PLD1: variants seen among roughly 807,000 people sequenced by gnomAD.
PLD1 encodes choline phosphatase 1.
Under a neutral mutation model 137.1 loss-of-function variants are expected in PLD1, and 112 were observed. That is an observed-to-expected ratio of 0.82 (90% CI 0.70 to 0.96). The LOEUF is 0.96. Among genes scored for constraint, PLD1 ranks in the 40% least tolerant of loss-of-function variants. The pLI is 0.00. For synonymous variants in PLD1, 431 were observed against 454.7 expected (o/e 0.95, Z 0.66); for missense variants, 1,321 against 1,342.0 (o/e 0.98, Z 0.24).
In PLD1 at chr3:171,798,402, G is replaced by A. The variant is rs61471433; in HGVS notation, c.-32+11997C>T. On this transcript the variant is annotated intron_variant, in intron 1 of 26. Transcript: ENST00000351298. Reference sequence around the variant, plus strand: ...AATTTTACAGACTCCTTGAGTCCTTGGCCCTAGGAAATCAGGCGTAAGGAA... The same window carrying A: ...AATTTTACAGACTCCTTGAGTCCTTAGCCCTAGGAAATCAGGCGTAAGGAA... 2.9e-3 allele frequency among the ~76,000 whole-genome samples: 445 copies of A among 152,186 alleles called. 4 individuals are homozygous for A. The highest frequency in any genetic ancestry group is 0.01 in the African/African-American group (429 of 41,502).
chr3:171,640,750 T>C (rs1205129751), intron 23 of PLD1, among the ~76,000 whole-genome samples: 1 of 152,266 alleles, frequency 6.6e-6, no homozygotes, highest in Non-Finnish European at 1.5e-5. Flanking sequence ...CCCTGGGCCG[T>C]TGCACACAGC....
chr3:171,774,866 T>G (rs906796904), intron 1 of PLD1, among the ~76,000 whole-genome samples: 2 of 152,100 alleles, frequency 1.3e-5, no homozygotes, highest in African/African-American at 4.8e-5. Flanking sequence ...AGGCTGGGTT[T>G]GAGGTCCTCT....
chr3:171,747,308 C>A (rs116187571), intron 1 of PLD1, among the ~76,000 whole-genome samples: 1,655 of 152,292 alleles, frequency 0.011, 36 homozygotes, highest in African/African-American at 0.038. Flanking sequence ...GCATGCCTCT[C>A]CCCTCTCCTT....
At chr3:171,729,098 T>A (rs1214554476) in intron 6 of PLD1, among the ~76,000 whole-genome samples, 1 of 152,236 alleles carries the variant, frequency 6.6e-6, no homozygotes, top group African/African-American at 2.4e-5. Context: ...AATTCCATTA[T>A]CCATTTGGGC....
intron 1 of PLD1, among the ~76,000 whole-genome samples, chr3:171,751,286 G>A (rs992435097): frequency 6.6e-6 from 1 of 151,934 alleles, no homozygotes; most frequent in African/African-American, 2.4e-5. Context: ...AGTCAGAAAG[G>A]AATAAAAAGC....
intron 1 of PLD1, chr3:171,792,559 G>C (rs1017157841): frequency 6.6e-6 from 3 of 456,460 alleles, no homozygotes; most frequent in African/African-American, 6.0e-5. Context: ...CCAGGAGAAG[G>C]AAGAGGGCCT....
chr3:171,799,185 A>T (rs1375148880), intron 1 of PLD1, among the ~76,000 whole-genome samples: 1 of 151,982 alleles, frequency 6.6e-6, no homozygotes, highest in Non-Finnish European at 1.5e-5. Context: ...CTAAAAATAC[A>T]AAAATTAGCC....
intron 23 of PLD1, among the ~76,000 whole-genome samples, chr3:171,634,261 G>C (rs1734919907): frequency 6.6e-6 from 1 of 152,148 alleles, no homozygotes. Flanking sequence ...AATAGGCAAA[G>C]GCAAGAAAAG....
intron 1 of PLD1, among the ~76,000 whole-genome samples, chr3:171,750,527 A>C (rs1720579798): frequency 6.6e-6 from 1 of 152,196 alleles, no homozygotes; most frequent in Non-Finnish European, 1.5e-5. Context: ...GAAAGAAATA[A>C]ATTTACAGGT....
intron 24 of PLD1, among the ~76,000 whole-genome samples, chr3:171,617,163 C>A (rs141175638): frequency 1.5e-3 from 228 of 152,282 alleles, no homozygotes; most frequent in African/African-American, 5.0e-3. Flanking sequence ...CATTGGTATA[C>A]CACTCCATCC....
intron 13 of PLD1, among the ~76,000 whole-genome samples, 155 bp from the exon 14 acceptor site, chr3:171,689,031 AT>A (rs1714864477): frequency 6.6e-6 from 1 of 151,876 alleles, no homozygotes; most frequent in South Asian, 2.1e-4. Context: ...TATTCTCAGC[AT>A]TTAGCAAAAA....
intron 23 of PLD1, among the ~76,000 whole-genome samples, chr3:171,626,285 G>T (rs1734102211): frequency 6.6e-6 from 1 of 152,190 alleles, no homozygotes; most frequent in African/African-American, 2.4e-5. Flanking sequence ...AATGAAGCGA[G>T]AAGGGAAGTT....
At chr3:171,809,375 T>G (rs1320920341) in intron 1 of PLD1, 1 of 152,198 alleles carries the variant, frequency 6.6e-6, no homozygotes, top group Non-Finnish European at 1.5e-5. Flanking sequence ...CTTTCCTTCT[T>G]TAAGTTTTCA....
At chr3:171,710,526 T>A (rs1038404536) in intron 9 of PLD1, among the ~76,000 whole-genome samples, 1 of 152,172 alleles carries the variant, frequency 6.6e-6, no homozygotes, top group Non-Finnish European at 1.5e-5. Flanking sequence ...CGAGCTTCTG[T>A]GAGAATCTGA....
intron 1 of PLD1, among the ~76,000 whole-genome samples, chr3:171,756,642 G>A (rs1360766974): frequency 6.6e-6 from 1 of 152,216 alleles, no homozygotes; most frequent in African/African-American, 2.4e-5. Flanking sequence ...CCATTAAAAT[G>A]GCATTAATAT....
intron 23 of PLD1, among the ~76,000 whole-genome samples, chr3:171,624,764 A>T (rs1170255256): frequency 6.6e-6 from 1 of 152,182 alleles, no homozygotes; most frequent in African/African-American, 2.4e-5. Context: ...ATTCTGTTAA[A>T]TGGAAAAGGC....
At chr3:171,747,212 C>T (rs571802958) in intron 1 of PLD1, among the ~76,000 whole-genome samples, 2 of 152,300 alleles carry the variant, frequency 1.3e-5, no homozygotes, top group South Asian at 4.2e-4. Context: ...CCACAAGGGT[C>T]TGCGGCTTCA....
chr3:171,719,125 C>T (rs1265620597), intron 8 of PLD1, among the ~76,000 whole-genome samples: 3 of 152,082 alleles, frequency 2.0e-5, no homozygotes, highest in Admixed American at 6.5e-5. Flanking sequence ...TGTTCCTCTG[C>T]GTAAAAACTG....
intron 11 of PLD1, among the ~76,000 whole-genome samples, chr3:171,701,389 C>T (rs2168205): frequency 0.5 from 76,519 of 152,046 alleles, 20,226 homozygotes; most frequent in African/African-American, 0.66. Context: ...TGCTAGTTCA[C>T]CAAAAGTGAG....
Sources: allele counts gnomAD v4.1 joint callset (sites outside exome capture counted in the v4.1 genomes callset), GRCh38; gene constraint gnomAD v4.1.1; transcripts MANE v1.5; gene names NCBI Gene and HGNC (gene_info 2026-07-23, HGNC 2026-07-21).